LRRC72: variants seen among roughly 807,000 people sequenced by gnomAD.
The protein encoded by LRRC72 is leucine-rich repeat-containing protein 72.
A neutral mutation model predicts 35.8 loss-of-function variants in LRRC72; 41 were observed. The ratio of observed to expected loss-of-function variants is 1.15; its 90% confidence interval spans 0.89 to 1.49. The LOEUF (loss-of-function observed/expected upper bound fraction) is 1.49. Ranked by LOEUF, LRRC72 falls within the 40% of genes most tolerant of loss-of-function variation. The pLI is 0.00. For missense variants in LRRC72, 389 were observed against 330.7 expected (o/e 1.18, Z -1.37); for synonymous variants, 118 against 119.2 (o/e 0.99, Z 0.07).
At chr7:16,577,223 A>G (rs1189844974) in intron 7 of LRRC72, among the ~76,000 whole-genome samples, 2 of 152,202 alleles carry the variant, frequency 1.3e-5, no homozygotes. Context: ...GTGAAGGGAA[A>G]AATCAGCAGT....
At chr7:16,536,857 A>G (rs1782267039) in intron 2 of LRRC72, 1 of 152,324 alleles carries the variant, frequency 6.6e-6, no homozygotes, top group Non-Finnish European at 1.5e-5. Flanking sequence ...TACGTGATCT[A>G]TAAGCATTTG....
intron 5 of LRRC72, among the ~76,000 whole-genome samples, chr7:16,559,336 G>A (rs1021120091): frequency 1.3e-5 from 2 of 152,070 alleles, no homozygotes; most frequent in Non-Finnish European, 2.9e-5. Flanking sequence ...AGAGGTTGCA[G>A]TGAGCCAAGA....
At chr7:16,552,594 T>C (rs1455882998) in intron 3 of LRRC72, among the ~76,000 whole-genome samples, 1 of 152,210 alleles carries the variant, frequency 6.6e-6, no homozygotes, top group Admixed American at 6.5e-5. Context: ...TGAATCTATC[T>C]AGCTTCTGCT....
At chr7:16,578,385 A>C (rs1430235305) in intron 7 of LRRC72, among the ~76,000 whole-genome samples, 1 of 152,170 alleles carries the variant, frequency 6.6e-6, no homozygotes, top group Non-Finnish European at 1.5e-5. Flanking sequence ...AGGCAGGAGA[A>C]TCGCTTGAAC....
At chr7:16,580,998 T>G (rs1029842679) in intron 8 of LRRC72, among the ~76,000 whole-genome samples, 1 of 152,200 alleles carries the variant, frequency 6.6e-6, no homozygotes, top group Non-Finnish European at 1.5e-5. Flanking sequence ...AATAATAATA[T>G]GCATAGATCT....
chr7:16,557,483 A>C (rs1187181314), intron 4 of LRRC72, 42 bp downstream of exon 4: 4 of 777,594 alleles, frequency 5.1e-6, no homozygotes, highest in Non-Finnish European at 7.3e-6. Flanking sequence ...ATTTTCAATT[A>C]AGTAATAACT....
intron 3 of LRRC72, among the ~76,000 whole-genome samples, chr7:16,540,833 C>T (rs1220001881): frequency 6.6e-6 from 1 of 151,762 alleles, no homozygotes; most frequent in Non-Finnish European, 1.5e-5. Context: ...CTGAGGCCTT[C>T]CCAGCCATGT....
intron 3 of LRRC72, among the ~76,000 whole-genome samples, chr7:16,553,876 A>T (rs1782599501): frequency 6.6e-6 from 1 of 152,232 alleles, no homozygotes; most frequent in Non-Finnish European, 1.5e-5. Context: ...CCAGCTCCAT[A>T]AAATTAATAA....
At position 16,566,300 on chromosome 7, in the gene LRRC72, T is replaced by C. The variant is rs199514113; in HGVS notation, c.428-13T>C. The C allele has an allele frequency of 1.0e-4, 149 of 1,471,798 alleles. No individual in the cohort carries two copies. The highest frequency in any genetic ancestry group is 2.2e-4 in the Admixed American group (9 of 40,638). 91.2% of individuals were successfully genotyped at this position (1,471,798 alleles called of 1,614,324 possible). A position where few individuals can be genotyped will look rare whatever the true frequency, so the allele number is the denominator to read the frequency against. On this transcript the variant is annotated splice_polypyrimidine_tract_variant and intron_variant, in intron 5 of 8. Transcript: ENST00000401542. ...GAAATCTGACATTTTTATTTTGGATTCTTCATTTGCAGGTCTATACCAAAA... is the reference window on the plus strand; with the variant it reads ...GAAATCTGACATTTTTATTTTGGATCCTTCATTTGCAGGTCTATACCAAAA...
intron 1 of LRRC72, among the ~76,000 whole-genome samples, chr7:16,527,928 G>A (rs917370723): frequency 6.6e-6 from 1 of 152,032 alleles, no homozygotes; most frequent in African/African-American, 2.4e-5. Context: ...GGCATCGGGT[G>A]GTGGAAGAAG....
At chr7:16,569,966 G>C (rs1001731705) in intron 7 of LRRC72, among the ~76,000 whole-genome samples, 1 of 151,798 alleles carries the variant, frequency 6.6e-6, no homozygotes, top group Non-Finnish European at 1.5e-5. Flanking sequence ...GGAGGTGGAG[G>C]TTGCAGCGAG....
chr7:16,574,503 G>T (rs1338489963), intron 7 of LRRC72, among the ~76,000 whole-genome samples: 1 of 152,138 alleles, frequency 6.6e-6, no homozygotes, highest in Non-Finnish European at 1.5e-5. Flanking sequence ...TTGCAGGGAT[G>T]TGGATGAAGC....
chr7:16,557,449 T>C lies in LRRC72; in HGVS notation c.316+8T>C. 2 of 1,118,936 alleles carry C rather than the reference T, an allele frequency of 1.8e-6. No homozygotes were observed. Among genetic ancestry groups the C allele is most frequent in the Non-Finnish European group, 2.4e-6 (2 of 843,640 alleles). The allele number at this position is 1,118,936 out of a possible 1,614,324, so 69.3% of individuals were successfully genotyped here. A position where few individuals can be genotyped will look rare whatever the true frequency, so the allele number is the denominator to read the frequency against. On this transcript the variant is annotated splice_region_variant and intron_variant, in intron 4 of 8. Coordinates refer to ENST00000401542, the MANE Select transcript of LRRC72 (RefSeq NM_001195280.2). ...CAATATTTGAGATAGAAGGTACGTC[T>C]TAAATTCTCTGTTGATTTAATAAAT...
In LRRC72 at chr7:16,532,840, C is replaced by T. The variant is rs1366117781; in HGVS notation, c.164+272C>T. 5 of 475,188 alleles carry T rather than the reference C, an allele frequency of 1.1e-5. No individual in the cohort carries two copies. The East Asian group carries it at 2.1e-4, about 20-fold the overall frequency. 29.4% of individuals were successfully genotyped at this position (475,188 alleles called of 1,614,324 possible). The stretch of plus-strand genomic sequence containing the variant: ...ATCTTGGGTATGTCATATAACCTCA[C>T]TATTAGGATTGTCAGATTTAACAAA... On this transcript the variant is annotated intron_variant, in intron 2 of 8. Coordinates refer to ENST00000401542, the MANE Select transcript of LRRC72 (RefSeq NM_001195280.2).
At position 16,568,767 on chromosome 7, in the gene LRRC72, C is replaced by A. The variant is rs190405238; in HGVS notation, c.670+1224C>A. Among the ~76,000 whole-genome samples the A allele has an allele frequency of 7.2e-5, 11 of 152,172 alleles. No individual in the cohort carries two copies. The South Asian group carries it at 1.5e-3, about 20-fold the overall frequency. On this transcript the variant is annotated intron_variant, in intron 7 of 8. Transcript: ENST00000401542. ...AAAGGCAAAACCATCTTAAAGCAGTCGGAGAGAAAACCCAGATGACCTACA... is the reference window on the plus strand; with the variant it reads ...AAAGGCAAAACCATCTTAAAGCAGTAGGAGAGAAAACCCAGATGACCTACA...
intron 3 of LRRC72, among the ~76,000 whole-genome samples, chr7:16,549,340 G>C (rs915492354): frequency 6.6e-6 from 1 of 152,182 alleles, no homozygotes; most frequent in Non-Finnish European, 1.5e-5. Flanking sequence ...TTATCGAAAA[G>C]ATATTGGATA....
At chr7:16,527,514 C>A (rs904641641) in intron 1 of LRRC72, among the ~76,000 whole-genome samples, 2 of 151,804 alleles carry the variant, frequency 1.3e-5, no homozygotes, top group African/African-American at 4.8e-5. Context: ...TTGTTCCCAG[C>A]AAGGGCAAAT....
intron 3 of LRRC72, among the ~76,000 whole-genome samples, chr7:16,549,947 G>A (rs1474100031): frequency 6.6e-6 from 1 of 152,236 alleles, no homozygotes; most frequent in Admixed American, 6.5e-5. Context: ...TTTCAGGTGA[G>A]GTGGCTCATG....
At chr7:16,580,753 A>G (rs1783129340) in intron 8 of LRRC72, among the ~76,000 whole-genome samples, 1 of 152,206 alleles carries the variant, frequency 6.6e-6, no homozygotes, top group African/African-American at 2.4e-5. Flanking sequence ...AGCAGTTATC[A>G]TGTAGATTAA....
Sources: gnomAD v4.1 joint callset for allele counts (sites outside exome capture counted in the v4.1 genomes callset) on GRCh38, gnomAD v4.1.1 for gene constraint, MANE v1.5 for transcripts, NCBI Gene and HGNC (gene_info 2026-07-23, HGNC 2026-07-21) for gene names.